The following BICD1 variants were observed in gnomAD, a reference collection of about 807,000 sequenced individuals.
BICD1 encodes the protein protein bicaudal D homolog 1.
BICD1 carries 35 observed loss-of-function variants against 92.5 expected under a neutral mutation model. That is an observed-to-expected ratio of 0.38 (90% CI 0.29 to 0.50). The LOEUF is 0.50. Ranked by LOEUF, BICD1 falls within the 20% of genes least tolerant of loss-of-function variation. The pLI, the probability that BICD1 is intolerant of heterozygous loss-of-function variation, is 0.93. For missense variants in BICD1, 950 were observed against 1,189.8 expected, an observed-to-expected ratio of 0.80 and a Z score of 2.97; for synonymous variants, 429 against 465.1, an observed-to-expected ratio of 0.92 and a Z score of 1.00.
chr12:32,230,604 G>T (rs921093084), intron 2 of BICD1, among the ~76,000 whole-genome samples: 14 of 152,116 alleles, frequency 9.2e-5, no homozygotes, highest in South Asian at 4.1e-4. Context: ...AACAGTGCTG[G>T]ATAGCGGATG....
chr12:32,375,005 G>T (rs1191286526), intron 9 of BICD1, among the ~76,000 whole-genome samples: 3 of 129,600 alleles, frequency 2.3e-5, no homozygotes, highest in Non-Finnish European at 4.7e-5. Flanking sequence ...TGCAAGCTCC[G>T]CCTCCCGGGT....
chr12:32,306,529 C>T (rs1948229926), intron 4 of BICD1, among the ~76,000 whole-genome samples: 4 of 152,030 alleles, frequency 2.6e-5, no homozygotes, highest in Admixed American at 2.6e-4. Context: ...AGGCGTGAGC[C>T]ACCGCGCCCA....
chr12:32,377,216 C>T (rs1940007921), intron 9 of BICD1, among the ~76,000 whole-genome samples: 1 of 152,076 alleles, frequency 6.6e-6, no homozygotes, highest in African/African-American at 2.4e-5. Context: ...AACACAGAGA[C>T]CTAGGAGAAC....
intron 1 of BICD1, among the ~76,000 whole-genome samples, chr12:32,190,470 A>G (rs942209013): frequency 6.6e-6 from 1 of 152,264 alleles, no homozygotes; most frequent in Admixed American, 6.5e-5. Context: ...GACTAAATAG[A>G]CTTTCAGTCA....
At chr12:32,289,448 C>G (rs1947666547) in intron 2 of BICD1, among the ~76,000 whole-genome samples, 1 of 152,122 alleles carries the variant, frequency 6.6e-6, no homozygotes, top group Non-Finnish European at 1.5e-5. Context: ...TGCAGTGGTG[C>G]GATCTCAGCT....
chr12:32,116,502 CTCTCTCTCTATATA>C (rs1941914603), intron 1 of BICD1, among the ~76,000 whole-genome samples: 2 of 77,534 alleles, frequency 2.6e-5, no homozygotes, highest in Admixed American at 1.5e-4. Context: ...TTCTCTCTCT[CTCTCTCTCTATATA>C]TATATATATA....
chr12:32,220,997 A>G (rs1434075980), intron 2 of BICD1, among the ~76,000 whole-genome samples: 1 of 149,860 alleles, frequency 6.7e-6, no homozygotes, highest in East Asian at 2.0e-4. Flanking sequence ...TGCAAGAACA[A>G]AAAACCAAAC....
At chr12:32,298,182 C>CAAAA (rs34140328) in intron 3 of BICD1, among the ~76,000 whole-genome samples, 2 of 132,194 alleles carry the variant, frequency 1.5e-5, no homozygotes, top group Non-Finnish European at 3.2e-5. Context: ...GACCCTGTCT[C>CAAAA]AAAAAAAAAA....
intron 4 of BICD1, among the ~76,000 whole-genome samples, chr12:32,316,904 G>A (rs2136237125): frequency 6.6e-6 from 1 of 151,872 alleles, no homozygotes; most frequent in Non-Finnish European, 1.5e-5. Context: ...CCCTTCCTGT[G>A]TCCATGTGTT....
intron 9 of BICD1, among the ~76,000 whole-genome samples, chr12:32,375,998 T>G (rs1939940564): frequency 6.6e-6 from 1 of 152,116 alleles, no homozygotes; most frequent in South Asian, 2.1e-4. Context: ...TTTCATAGTT[T>G]AAGGGAATAT....
chr12:32,132,213 C>T (rs1942568616), intron 1 of BICD1, among the ~76,000 whole-genome samples: 2 of 151,914 alleles, frequency 1.3e-5, no homozygotes, highest in Non-Finnish European at 1.5e-5. Flanking sequence ...GTCAGGAGTT[C>T]GAGACCAGCT....
At chr12:32,286,133 C>T (rs1270426959) in intron 2 of BICD1, among the ~76,000 whole-genome samples, 1 of 152,110 alleles carries the variant, frequency 6.6e-6, no homozygotes, top group Non-Finnish European at 1.5e-5. Flanking sequence ...GTTAGTGATC[C>T]TCATTAGCTT....
intron 1 of BICD1, among the ~76,000 whole-genome samples, chr12:32,118,854 C>T (rs751236166): frequency 3.1e-4 from 47 of 152,232 alleles, no homozygotes; most frequent in Non-Finnish European, 5.6e-4. Context: ...TGAGTGGCTA[C>T]TGTGTCGGGC....
chr12:32,106,960 A>C lies in BICD1; in HGVS notation c.-372A>C. 1 of 230,510 alleles carries C rather than the reference A, an allele frequency of 4.3e-6. No homozygotes were observed. The allele number at this position is 230,510 out of a possible 1,614,324, so 14.3% of individuals were successfully genotyped here. A position where few individuals can be genotyped will look rare whatever the true frequency, so the allele number is the denominator to read the frequency against. Reference sequence around the variant, plus strand: ...AGACTGCAGTGACGCGGCCCGGGAGACATGGCGGACGGGCGTCTCTGAATA... The same window carrying C: ...AGACTGCAGTGACGCGGCCCGGGAGCCATGGCGGACGGGCGTCTCTGAATA... On this transcript the variant is annotated 5_prime_UTR_variant, in exon 1 of 10. Transcript: ENST00000652176.
At chr12:32,354,624 T>C (rs1939031067) in intron 8 of BICD1, among the ~76,000 whole-genome samples, 1 of 152,212 alleles carries the variant, frequency 6.6e-6, no homozygotes. Flanking sequence ...TGTGGGTACT[T>C]TTAGAATAAC....
intron 1 of BICD1, among the ~76,000 whole-genome samples, chr12:32,183,441 A>AT (rs1296569076): frequency 6.6e-6 from 1 of 151,216 alleles, no homozygotes; most frequent in Non-Finnish European, 1.5e-5. Context: ...TAATTTTTGT[A>AT]TTTTTAGTAG....
intron 3 of BICD1, 130 bp downstream of exon 3, chr12:32,294,276 CA>C: frequency 1.1e-6 from 1 of 924,046 alleles, no homozygotes; most frequent in South Asian, 2.0e-5. Flanking sequence ...TTATGTACTG[CA>C]ATGTCCCAAC....
intron 1 of BICD1, among the ~76,000 whole-genome samples, chr12:32,203,587 C>T (rs11051848): frequency 0.018 from 2,668 of 152,202 alleles, 83 homozygotes; most frequent in African/African-American, 0.057. Flanking sequence ...TCTGAACCCC[C>T]GGCCCATTTC....
Position 32,377,589 on chromosome 12 carries a change from G to C in BICD1, c.2890G>C (p.Ala964Pro). Residue 964 changes from alanine (A) to proline (P), a missense_variant, in exon 10 of 10, where the codon GCC becomes CCC. Ala to Pro is a conservative substitution (Grantham distance 27). Around this residue, in one of 5 missense-constraint regions of BICD1, gnomAD observed 179 missense variants for 186.7 expected, o/e 0.96. Coordinates refer to ENST00000652176, the MANE Select transcript of BICD1 (RefSeq NM_001714.4). ...EEQPHSSSQC[A>P]PLHCLSKPPH... ...GCAGCCACATTCCAGCTCCCAGTGC[G>C]CCCCTCTCCACTGTCTCTCCAAGCC... 5 of 1,613,998 alleles carry C rather than the reference G, an allele frequency of 3.1e-6. No homozygotes were observed. Among genetic ancestry groups the C allele is most frequent in the Non-Finnish European group, 4.2e-6 (5 of 1,179,976 alleles).
Sources: allele counts gnomAD v4.1 joint callset (sites outside exome capture counted in the v4.1 genomes callset), GRCh38; gene constraint gnomAD v4.1.1; regional missense constraint gnomAD v4.1.1; transcripts MANE v1.5; gene names NCBI Gene and HGNC (gene_info 2026-07-23, HGNC 2026-07-21).